WDR72: variants seen among roughly 807,000 people sequenced by gnomAD.
WDR72 encodes the protein WD repeat-containing protein 72.
Under a neutral mutation model 124.2 loss-of-function variants are expected in WDR72, and 120 were observed. The observed-to-expected ratio is 0.97, with a 90% confidence interval of 0.83 to 1.12. The LOEUF (loss-of-function observed/expected upper bound fraction) is 1.12, where lower values mean the gene tolerates loss of function less well. Among genes scored for constraint, WDR72 ranks in the 50% most tolerant of loss-of-function variants. The pLI is 0.00. For missense variants in WDR72, 1,387 were observed against 1,278.8 expected (o/e 1.08, Z -1.29); for synonymous variants, 452 against 441.7 (o/e 1.02, Z -0.29).
At chr15:53,685,936 C>T (rs1201170022) in intron 13 of WDR72, among the ~76,000 whole-genome samples, 1 of 139,644 alleles carries the variant, frequency 7.2e-6, no homozygotes, top group African/African-American at 2.8e-5. Flanking sequence ...ATTTTCAACC[C>T]AGAATTTCAT....
intron 17 of WDR72, among the ~76,000 whole-genome samples, chr15:53,603,683 A>G (rs190386532): frequency 6.6e-6 from 1 of 151,954 alleles, no homozygotes; most frequent in East Asian, 1.9e-4. Context: ...GCATTCCTAT[A>G]AACAACAGTC....
intron 19 of WDR72, among the ~76,000 whole-genome samples, chr15:53,518,144 C>T (rs559574885): frequency 7.9e-5 from 12 of 151,616 alleles, no homozygotes; most frequent in African/African-American, 2.7e-4. Context: ...TAGAAAAATC[C>T]ACAACTGCAG....
chr15:53,724,807 A>C (rs957189557), intron 2 of WDR72, among the ~76,000 whole-genome samples: 2 of 152,162 alleles, frequency 1.3e-5, no homozygotes, highest in Non-Finnish European at 2.9e-5. Context: ...AACCTATATA[A>C]TTTTACTAGT....
chr15:53,670,913 T>G (rs1433596244), intron 13 of WDR72, among the ~76,000 whole-genome samples: 1 of 152,134 alleles, frequency 6.6e-6, no homozygotes, highest in African/African-American at 2.4e-5. Flanking sequence ...TCACTGGGCA[T>G]ATGGCCAGCT....
chr15:53,558,006 G>A (rs368136372), intron 18 of WDR72, among the ~76,000 whole-genome samples: 2 of 151,870 alleles, frequency 1.3e-5, no homozygotes, highest in African/African-American at 2.4e-5. Flanking sequence ...CTCTTCCCTC[G>A]TTGATGCTGA....
chr15:53,614,425 A>C (rs143592640), intron 15 of WDR72, among the ~76,000 whole-genome samples: 40 of 152,206 alleles, frequency 2.6e-4, no homozygotes, highest in African/African-American at 9.4e-4. Flanking sequence ...CAGCAGATCA[A>C]ATCTTGAGTG....
intron 9 of WDR72, 151 bp downstream of exon 9, chr15:53,710,706 C>G (rs961986615): frequency 1.4e-6 from 1 of 695,624 alleles, no homozygotes; most frequent in Non-Finnish European, 2.6e-6. Flanking sequence ...CTTTGGTAGC[C>G]ATTGATAATT....
At chr15:53,727,029 C>T (rs1181254700) in intron 2 of WDR72, among the ~76,000 whole-genome samples, 2 of 151,658 alleles carry the variant, frequency 1.3e-5, no homozygotes, top group Non-Finnish European at 2.9e-5. Context: ...AAACATCGCC[C>T]CGGCACGGTC....
At chr15:53,537,480 C>T (rs990721853) in intron 18 of WDR72, among the ~76,000 whole-genome samples, 6 of 152,046 alleles carry the variant, frequency 3.9e-5, no homozygotes, top group African/African-American at 1.4e-4. Context: ...ATTAAAATGC[C>T]CAGTTCAAAT....
intron 14 of WDR72, among the ~76,000 whole-genome samples, chr15:53,631,438 GAACT>G (rs2014424162): frequency 1.3e-5 from 2 of 152,158 alleles, no homozygotes. Context: ...AGCAGTGCAA[GAACT>G]AACACAGAAA....
intron 14 of WDR72, among the ~76,000 whole-genome samples, chr15:53,630,013 A>G (rs1197110614): frequency 6.6e-6 from 1 of 152,208 alleles, no homozygotes; most frequent in East Asian, 1.9e-4. Flanking sequence ...GGAAAAATCA[A>G]AGTAATGAAA....
intron 18 of WDR72, among the ~76,000 whole-genome samples, chr15:53,529,024 C>T (rs1892278170): frequency 6.6e-6 from 1 of 151,562 alleles, no homozygotes; most frequent in African/African-American, 2.4e-5. Flanking sequence ...GGGTTTACAG[C>T]TCAAGCTTAA....
At chr15:53,635,700 G>A (rs550502365) in intron 14 of WDR72, among the ~76,000 whole-genome samples, 1 of 152,124 alleles carries the variant, frequency 6.6e-6, no homozygotes, top group Non-Finnish European at 1.5e-5. Context: ...GGGGGATGGA[G>A]GGAGATGGGG....
intron 14 of WDR72, among the ~76,000 whole-genome samples, chr15:53,649,871 GA>G (rs889271825): frequency 3.3e-5 from 5 of 152,084 alleles, no homozygotes; most frequent in African/African-American, 9.7e-5. Flanking sequence ...TAGCTGCTAT[GA>G]AAAACAGCAT....
Position 53,556,672 on chromosome 15 carries a change from G to C in WDR72, c.3149-33350C>G, listed in dbSNP as rs187654363. Among the ~76,000 whole-genome samples, 40 of 152,160 alleles carry C rather than the reference G, an allele frequency of 2.6e-4. 1 individual carries two copies. Among genetic ancestry groups the C allele is most frequent in the African/African-American group, 8.7e-4 (36 of 41,540 alleles). On this transcript the variant is annotated intron_variant, in intron 18 of 19. Coordinates refer to ENST00000360509, the MANE Select transcript of WDR72 (RefSeq NM_182758.4). ...GAAATCATAGAGAATCCTTTTTGAT[G>C]ATTCAAAATGCAATATCTTGAATGG...
intron 15 of WDR72, among the ~76,000 whole-genome samples, chr15:53,615,103 T>C (rs1305249380): frequency 6.6e-6 from 1 of 152,016 alleles, no homozygotes; most frequent in African/African-American, 2.4e-5. Flanking sequence ...TATGTATGTA[T>C]ATGTGTATGT....
intron 13 of WDR72, among the ~76,000 whole-genome samples, chr15:53,674,396 C>T (rs1424649860): frequency 6.6e-6 from 1 of 152,142 alleles, no homozygotes; most frequent in African/African-American, 2.4e-5. Flanking sequence ...AAGTTCATTG[C>T]CTTGCTCAGA....
intron 13 of WDR72, among the ~76,000 whole-genome samples, chr15:53,674,775 A>T (rs1385489063): frequency 6.6e-6 from 1 of 152,170 alleles, no homozygotes; most frequent in Non-Finnish European, 1.5e-5. Context: ...ATACATTTTT[A>T]AAAAGTCTCT....
At chr15:53,661,645 A>G (rs1012316056) in intron 14 of WDR72, among the ~76,000 whole-genome samples, 4 of 152,212 alleles carry the variant, frequency 2.6e-5, no homozygotes, top group Admixed American at 2.6e-4. Flanking sequence ...AAATAGAATG[A>G]AAACCACATC....
Sources: allele counts gnomAD v4.1 joint callset (sites outside exome capture counted in the v4.1 genomes callset), GRCh38; gene constraint gnomAD v4.1.1; transcripts MANE v1.5; gene names NCBI Gene and HGNC (gene_info 2026-07-23, HGNC 2026-07-21).